The following GPR32 variants were observed in gnomAD, a reference collection of about 807,000 sequenced individuals.
GPR32 encodes probable G protein-coupled receptor 32.
For missense variants in GPR32, 433 were observed against 454.1 expected (o/e 0.95, Z 0.42); for synonymous variants, 215 against 195.3 (o/e 1.10, Z -0.84).
At position 50,771,018 on chromosome 19, in the gene GPR32, T is replaced by G. The variant is rs1312719965; in HGVS notation, c.418T>G (p.Cys140Gly). The G allele has an allele frequency of 6.2e-7, 1 of 1,614,180 alleles. No homozygotes were observed. Among genetic ancestry groups the G allele is most frequent in the South Asian group, 1.1e-5 (1 of 91,088 alleles). ...CLLVFISVDR[C>G]ISVLYPVWAL... ...CCTTGTCTTCATCTCTGTGGACCGT[T>G]GCATCTCTGTCCTCTACCCCGTCTG... The change falls in exon 1 of 1, where the codon TGC (cysteine) becomes GGC (glycine). Residue 140 changes from cysteine (C) to glycine (G), a missense_variant. Cys to Gly is a radical substitution (Grantham distance 159). Coordinates refer to ENST00000270590, the MANE Select transcript of GPR32 (RefSeq NM_001506.2).
rs766499816 is a variant in GPR32, at chr19:50,770,790, G to C, written c.190G>C (p.Val64Leu). 3.2e-5 allele frequency: 52 copies of C among 1,614,048 alleles called. No homozygotes were observed. The highest frequency in any genetic ancestry group is 5.3e-5 in the African/African-American group (4 of 74,916). The change falls in exon 1 of 1, where the codon GTG becomes CTG. Residue 64 changes from valine to leucine, a missense_variant. Physicochemically the swap from Val to Leu is conservative, Grantham distance 32. Transcript: ENST00000270590. ...CGTCGGAGTGCTGGGCAATGGGCTG[G>C]TGCTGTGGATGACTGTCTTCCGTAT... ...IVVGVLGNGL[V>L]LWMTVFRMAR...
Position 50,771,106 on chromosome 19 carries a change from C to A in GPR32, c.506C>A (p.Ala169Asp). ...SWLAFGVWLL[A>D]AALCSAHLKF... ...CTGGCCTTTGGGGTGTGGCTCCTGG[C>A]CGCCGCCTTGTGCTCTGCGCACCTG... Residue 169 changes from alanine (A) to aspartate (D), a missense_variant, in exon 1 of 1, where the codon GCC becomes GAC. Transcript: ENST00000270590. 2 of 1,614,160 alleles carry A rather than the reference C, an allele frequency of 1.2e-6. No individual in the cohort carries two copies. Among genetic ancestry groups the A allele is most frequent in the Non-Finnish European group, 1.7e-6 (2 of 1,180,028 alleles).
chr19:50,771,238 A>T lies in GPR32; in HGVS notation c.638A>T (p.His213Leu). 6.2e-7 allele frequency: 1 copy of T among 1,614,200 alleles called. No individual in the cohort carries two copies. Among genetic ancestry groups the T allele is most frequent in the African/African-American group, 1.3e-5 (1 of 75,054 alleles). The change falls in exon 1 of 1, where the codon CAC (histidine) becomes CTC (leucine). Residue 213 changes from histidine to leucine, a missense_variant. By Grantham distance (99) the His-to-Leu change is moderately conservative. Transcript: ENST00000270590. ...QIWIEGVVEG[H>L]IIGTIGHFLL... ...TGGATTGAAGGGGTCGTGGAGGGAC[A>T]CATTATAGGGACCATTGGCCACTTC...
In GPR32 at chr19:50,771,498, G is replaced by A. The variant is rs373076896; in HGVS notation, c.898G>A (p.Ala300Thr). 76 of 1,614,082 alleles carry A rather than the reference G, an allele frequency of 4.7e-5. No individual in the cohort carries two copies. Among genetic ancestry groups the A allele is most frequent in the Non-Finnish European group, 5.4e-5 (64 of 1,180,054 alleles). Residue 300 changes from alanine to threonine, a missense_variant, in exon 1 of 1, where the codon GCT becomes ACT. Ala to Thr is a moderately conservative substitution (Grantham distance 58). Transcript: ENST00000270590. ...CCCCCGGATGCTGCTCATCCTCCAGGCTAGCTTTGCCTTGGGCTGTGTCAA... is the reference window on the plus strand; with the variant it reads ...CCCCCGGATGCTGCTCATCCTCCAGACTAGCTTTGCCTTGGGCTGTGTCAA... ...YHPRMLLILQ[A>T]SFALGCVNSS... is the part of the protein sequence containing the mutation.
Position 50,771,583 on chromosome 19 carries a change from T to C in GPR32, c.983T>C (p.Phe328Ser), listed in dbSNP as rs748130590. Residue 328 changes from phenylalanine to serine, a missense_variant, in exon 1 of 1, where the codon TTC becomes TCC. Physicochemically the swap from Phe to Ser is radical, Grantham distance 155 (BLOSUM62 -2). Coordinates refer to ENST00000270590, the MANE Select transcript of GPR32 (RefSeq NM_001506.2). ...FVGRDFQEKF[F>S]QSLTSALARA... Reference sequence around the variant, plus strand: ...GGCAGAGATTTCCAAGAAAAGTTTTTCCAGTCTTTGACTTCTGCCCTGGCG... The same window carrying C: ...GGCAGAGATTTCCAAGAAAAGTTTTCCCAGTCTTTGACTTCTGCCCTGGCG... 1.2e-6 allele frequency: 2 copies of C among 1,614,188 alleles called. No individual in the cohort carries two copies. Among genetic ancestry groups the C allele is most frequent in the Non-Finnish European group, 8.5e-7 (1 of 1,180,012 alleles).
chr19:50,771,181 C>A lies in GPR32; in HGVS notation c.581C>A (p.Ala194Glu). 1.9e-6 allele frequency: 3 copies of A among 1,614,140 alleles called. No homozygotes were observed. Among genetic ancestry groups the A allele is most frequent in the East Asian group, 4.5e-5 (2 of 44,874 alleles). Residue 194 changes from alanine (A) to glutamate (E), a missense_variant, in exon 1 of 1, where the codon GCG becomes GAG. Transcript: ENST00000270590. ...AATGGCTGTACGCACTGCTACTTGG[C>A]GTTCAACTCTGACAATGAGACTGCC... ...KWNGCTHCYL[A>E]FNSDNETAQI...
rs767962342 is a variant in GPR32, at chr19:50,771,333, C to T, written c.733C>T (p.Arg245Trp). ...CCACCTCATCCGGGCCAAGCTCTTG[C>T]GGGAGGGCTGGGTCCATGCCAACCG... Reference protein sequence around the residue: ...CAHLIRAKLLREGWVHANRPK... With the variant: ...CAHLIRAKLLWEGWVHANRPK... The change falls in exon 1 of 1, where the codon CGG (arginine) becomes TGG (tryptophan). Residue 245 changes from arginine (R) to tryptophan (W), a missense_variant. Arg to Trp is a moderately radical substitution (Grantham distance 101). Coordinates refer to ENST00000270590, the MANE Select transcript of GPR32 (RefSeq NM_001506.2). 6 of 1,614,130 alleles carry T rather than the reference C, an allele frequency of 3.7e-6. No homozygotes were observed. Among genetic ancestry groups the T allele is most frequent in the Non-Finnish European group, 5.1e-6 (6 of 1,180,006 alleles).
rs764572479 is a variant in GPR32 at position 50,771,460 on chromosome 19, A to T, written c.860A>T (p.Lys287Met). 6.2e-7 allele frequency: 1 copy of T among 1,614,182 alleles called. No homozygotes were observed. The highest frequency in any genetic ancestry group is 8.5e-7 in the Non-Finnish European group (1 of 1,180,028). Residue 287 changes from lysine (K) to methionine (M), a missense_variant, in exon 1 of 1, where the codon AAG becomes ATG. Transcript: ENST00000270590. ...LVHLWRRVML[K>M]EIYHPRMLLI... ...CATCTGTGGCGACGGGTGATGCTCA[A>T]GGAAATCTACCACCCCCGGATGCTG...
rs61730518 is a variant in GPR32, at chr19:50,771,539, C to G, written c.939C>G (p.Pro313=). 3,133 of 1,612,986 alleles carry G rather than the reference C, an allele frequency of 1.9e-3. 48 individuals are homozygous for G. In the African/African-American group the frequency reaches 0.036, roughly 18 times the overall value. The stretch of plus-strand genomic sequence containing the variant: ...GCTGTGTCAACAGCAGCCTCAACCC[C>G]TTCCTCTACGTCTTCGTTGGCAGAG... ...ALGCVNSSLN[P]FLYVFVGRDF... is the part of the protein sequence containing the mutation. The change falls in exon 1 of 1, where the codon CCC becomes CCG. Residue 313 remains proline, a synonymous_variant. Transcript: ENST00000270590.
Position 50,770,614 on chromosome 19 carries a change from C to T in GPR32, c.14C>T (p.Ser5Leu), listed in dbSNP as rs1568459651. The change falls in exon 1 of 1, where the codon TCG becomes TTG. Residue 5 changes from serine to leucine, a missense_variant. By Grantham distance (145) the Ser-to-Leu change is moderately radical. Coordinates refer to ENST00000270590, the MANE Select transcript of GPR32 (RefSeq NM_001506.2). Reference protein sequence around the residue: MNGVSEGTRGCSDRQ... With the variant: MNGVLEGTRGCSDRQ... ...AATGGAGAAATCATGAATGGGGTCT[C>T]GGAGGGGACCAGAGGCTGCAGTGAC... 3.8e-6 allele frequency: 6 copies of T among 1,583,990 alleles called. No individual in the cohort carries two copies. Among genetic ancestry groups the T allele is most frequent in the Non-Finnish European group, 5.2e-6 (6 of 1,164,746 alleles).
At position 50,770,553 on chromosome 19, in the gene GPR32, A is replaced by G. The variant is rs775279377; in HGVS notation, c.-48A>G. ...GACAGAGCATGACGCTGTCTCTAAA[A>G]GAATAATAATAATAAGCATTCCATA... is the stretch of plus-strand genomic sequence containing the variant. On this transcript the variant is annotated 5_prime_UTR_variant, in exon 1 of 1. Coordinates refer to ENST00000270590, the MANE Select transcript of GPR32 (RefSeq NM_001506.2). 23 of 1,278,404 alleles carry G rather than the reference A, an allele frequency of 1.8e-5. No individual in the cohort carries two copies. In the South Asian group the frequency reaches 2.8e-4, roughly 16 times the overall value. 79.2% of individuals were successfully genotyped at this position (1,278,404 alleles called of 1,614,324 possible).
In GPR32 at chr19:50,771,478, G is replaced by C. The variant is rs746721602; in HGVS notation, c.878G>C (p.Arg293Pro). 1.2e-6 allele frequency: 2 copies of C among 1,613,808 alleles called. No homozygotes were observed. The highest frequency in any genetic ancestry group is 1.3e-5 in the African/African-American group (1 of 74,920). Reference sequence around the variant, plus strand: ...ATGCTCAAGGAAATCTACCACCCCCGGATGCTGCTCATCCTCCAGGCTAGC... The same window carrying C: ...ATGCTCAAGGAAATCTACCACCCCCCGATGCTGCTCATCCTCCAGGCTAGC... ...RVMLKEIYHP[R>P]MLLILQASFA... Residue 293 changes from arginine (R) to proline (P), a missense_variant, in exon 1 of 1, where the codon CGG becomes CCG. Physicochemically the swap from Arg to Pro is moderately radical, Grantham distance 103. Transcript: ENST00000270590.
Position 50,770,906 on chromosome 19 carries a change from T to G in GPR32, c.306T>G (p.Ile102Met). ...CTCTGCCCATTGCCATGTACTATAT[T>G]GTCTCCAGGCAGTGGCTCCTCGGAG... ...SLSLPIAMYY[I>M]VSRQWLLGEW... The change falls in exon 1 of 1, where the codon ATT becomes ATG. Residue 102 changes from isoleucine to methionine, a missense_variant. Ile to Met is a conservative substitution (Grantham distance 10, BLOSUM62 1). Transcript: ENST00000270590. The G allele has an allele frequency of 6.2e-7, 1 of 1,614,234 alleles. No homozygotes were observed. Among genetic ancestry groups the G allele is most frequent in the Non-Finnish European group, 8.5e-7 (1 of 1,180,044 alleles).
chr19:50,771,428 G>A lies in GPR32; in HGVS notation c.828G>A (p.Leu276=), dbSNP rs761389276. The part of the protein sequence containing the change: ...FIFWSPFNVV[L]LVHLWRRVML... ...TCTGGTCCCCGTTTAACGTGGTGCT[G>A]TTGGTCCATCTGTGGCGACGGGTGA... The change falls in exon 1 of 1, where the codon CTG becomes CTA. Residue 276 remains leucine, a synonymous_variant. Transcript: ENST00000270590. 6.2e-7 allele frequency: 1 copy of A among 1,614,084 alleles called. No homozygotes were observed. The highest frequency in any genetic ancestry group is 8.5e-7 in the Non-Finnish European group (1 of 1,180,038).
Position 50,771,250 on chromosome 19 carries a change from C to T in GPR32, c.650C>T (p.Thr217Ile), listed in dbSNP as rs1228295121. 6.2e-7 allele frequency: 1 copy of T among 1,614,098 alleles called. No homozygotes were observed. Among genetic ancestry groups the T allele is most frequent in the Non-Finnish European group, 8.5e-7 (1 of 1,180,030 alleles). ...GTCGTGGAGGGACACATTATAGGGA[C>T]CATTGGCCACTTCCTGCTGGGCTTC... ...EGVVEGHIIG[T>I]IGHFLLGFLG... The change falls in exon 1 of 1, where the codon ACC becomes ATC. Residue 217 changes from threonine (T) to isoleucine (I), a missense_variant. Physicochemically the swap from Thr to Ile is moderately conservative, Grantham distance 89 (BLOSUM62 -1). Coordinates refer to ENST00000270590, the MANE Select transcript of GPR32 (RefSeq NM_001506.2).
chr19:50,771,253 T>C lies in GPR32; in HGVS notation c.653T>C (p.Ile218Thr), dbSNP rs201611193. The stretch of plus-strand genomic sequence containing the variant: ...GTGGAGGGACACATTATAGGGACCA[T>C]TGGCCACTTCCTGCTGGGCTTCCTG... ...GVVEGHIIGT[I>T]GHFLLGFLGP... The change falls in exon 1 of 1, where the codon ATT becomes ACT. Residue 218 changes from isoleucine to threonine, a missense_variant. Transcript: ENST00000270590. 2.8e-4 allele frequency: 449 copies of C among 1,613,970 alleles called. 2 individuals carry two copies. Among genetic ancestry groups the C allele is most frequent in the Non-Finnish European group, 1.9e-4 (229 of 1,180,012 alleles).
At position 50,770,510 on chromosome 19, in the gene GPR32, T is replaced by G; in HGVS notation, c.-91T>G. On this transcript the variant is annotated 5_prime_UTR_variant, in exon 1 of 1. Transcript: ENST00000270590. The stretch of plus-strand genomic sequence containing the variant: ...GCTGCAGTGATCTGTGATTGTACCT[T>G]TGCACTCCAGCCTGGGTGACAGAGC... The G allele has an allele frequency of 2.4e-6, 2 of 846,380 alleles. No individual in the cohort carries two copies. 52.4% of individuals were successfully genotyped at this position (846,380 alleles called of 1,614,324 possible). A position where few individuals can be genotyped will look rare whatever the true frequency, so the allele number is the denominator to read the frequency against.
Position 50,770,531 on chromosome 19 carries a change from A to G in GPR32, c.-70A>G. ...ACCTTTGCACTCCAGCCTGGGTGAC[A>G]GAGCATGACGCTGTCTCTAAAAGAA... On this transcript the variant is annotated 5_prime_UTR_variant, in exon 1 of 1. Transcript: ENST00000270590. 9.4e-7 allele frequency: 1 copy of G among 1,066,650 alleles called. No homozygotes were observed. Among genetic ancestry groups the G allele is most frequent in the Non-Finnish European group, 1.3e-6 (1 of 752,954 alleles). 66.1% of individuals were successfully genotyped at this position (1,066,650 alleles called of 1,614,324 possible).
At position 50,770,772 on chromosome 19, in the gene GPR32, G is replaced by A. The variant is rs1345372319; in HGVS notation, c.172G>A (p.Val58Met). The change falls in exon 1 of 1, where the codon GTG becomes ATG. Residue 58 changes from valine (V) to methionine (M), a missense_variant. Transcript: ENST00000270590. ...VILSASIVVG[V>M]LGNGLVLWMT... ...CCTGTCTGCGTCCATTGTCGTCGGAGTGCTGGGCAATGGGCTGGTGCTGTG... is the reference window on the plus strand; with the variant it reads ...CCTGTCTGCGTCCATTGTCGTCGGAATGCTGGGCAATGGGCTGGTGCTGTG... The A allele has an allele frequency of 1.2e-6, 2 of 1,614,132 alleles. No individual in the cohort carries two copies. The highest frequency in any genetic ancestry group is 1.1e-5 in the South Asian group (1 of 91,062).
Sources: allele counts gnomAD v4.1 joint callset, GRCh38; gene constraint gnomAD v4.1.1; transcripts MANE v1.5; gene names NCBI Gene and HGNC (gene_info 2026-07-23, HGNC 2026-07-21).